CDC42EP5: variants seen among roughly 807,000 people sequenced by gnomAD.
CDC42EP5 encodes CDC42 effector protein (Rho GTPase binding) 5.
For synonymous variants in CDC42EP5, 118 were observed against 123.3 expected, an observed-to-expected ratio of 0.96 and a Z score of 0.28; for missense variants, 269 against 238.0, an observed-to-expected ratio of 1.13 and a Z score of -0.86.
chr19:54,468,888 A>ATTCATTCC (rs1331627657), intron 2 of CDC42EP5, among the ~76,000 whole-genome samples: 41 of 116,386 alleles, frequency 3.5e-4, no homozygotes, highest in African/African-American at 1.3e-3. Flanking sequence ...AGATACTCTG[A>ATTCATTCC]TTCCTTCCTT....
intron 2 of CDC42EP5, among the ~76,000 whole-genome samples, chr19:54,469,685 T>C (rs1406400351): frequency 6.6e-6 from 1 of 152,238 alleles, no homozygotes; most frequent in Non-Finnish European, 1.5e-5. Context: ...ATATGCTCAA[T>C]GGAGTCACAC....
chr19:54,465,603 G>A, intron 2 of CDC42EP5, 56 bp from the exon 3 acceptor site: 1 of 1,392,392 alleles, frequency 7.2e-7, no homozygotes, highest in Non-Finnish European at 9.3e-7. Flanking sequence ...GCAGCCACGC[G>A]ACTGCTCAAA....
At chr19:54,469,146 C>T (rs2084802109) in intron 2 of CDC42EP5, among the ~76,000 whole-genome samples, 1 of 151,584 alleles carries the variant, frequency 6.6e-6, no homozygotes, top group South Asian at 2.1e-4. Flanking sequence ...AGGTGCACAC[C>T]ACCATGCTTG....
chr19:54,471,797 G>A (rs377340058), intron 1 of CDC42EP5, 112 bp from the exon 2 acceptor site: 43 of 164,202 alleles, frequency 2.6e-4, no homozygotes, highest in African/African-American at 9.8e-4. Context: ...CTAGATCTTC[G>A]CTTTCTTAAT....
In CDC42EP5 at chr19:54,465,344, C is replaced by A; in HGVS notation, c.204G>T (p.Pro68=). 4 of 1,163,484 alleles carry A rather than the reference C, an allele frequency of 3.4e-6. No individual in the cohort carries two copies. In the South Asian group the frequency reaches 1.7e-4, roughly 49 times the overall value. The allele number at this position is 1,163,484 out of a possible 1,614,324, so 72.1% of individuals were successfully genotyped here. Residue 68 remains proline, a synonymous_variant, in exon 3 of 3, where the codon CCG becomes CCT. Transcript: ENST00000301200. ...GGACGGCGGGCGGCGGCGGGGAGCG[C>A]GGGGCCCCCGCGGGGGGCGCCCGGG... ...PEPRAPPAGA[P]RSPPPPAVPQ...
intron 2 of CDC42EP5, among the ~76,000 whole-genome samples, chr19:54,466,766 A>G (rs2084760068): frequency 6.6e-6 from 1 of 152,184 alleles, no homozygotes; most frequent in Admixed American, 6.5e-5. Context: ...TGTATTATGC[A>G]TTATAAGTAA....
At chr19:54,467,197 C>T (rs2084766677) in intron 2 of CDC42EP5, among the ~76,000 whole-genome samples, 1 of 150,890 alleles carries the variant, frequency 6.6e-6, no homozygotes. Flanking sequence ...ACCTGTAATC[C>T]CAGCACTTTT....
chr19:54,466,982 AG>A (rs1204545523), intron 2 of CDC42EP5, among the ~76,000 whole-genome samples: 2 of 146,246 alleles, frequency 1.4e-5, no homozygotes, highest in Non-Finnish European at 3.0e-5. Flanking sequence ...TAGTAGAGAC[AG>A]GGTTTCACCA....
chr19:54,465,552 GA>G lies in CDC42EP5; in HGVS notation c.1-6del. ...CAGCTGCTTCAGCACGGGCATCTGC[GA>G]GGGGCACGGGAGGGTCAGCGCGGCC... On this transcript the variant is annotated splice_polypyrimidine_tract_variant and splice_region_variant and intron_variant, in intron 2 of 2. Transcript: ENST00000301200. 6.6e-7 allele frequency: 1 copy of G among 1,519,152 alleles called. No homozygotes were observed. The highest frequency in any genetic ancestry group is 8.7e-7 in the Non-Finnish European group (1 of 1,145,418). 94.1% of individuals were successfully genotyped at this position (1,519,152 alleles called of 1,614,324 possible). A position where few individuals can be genotyped will look rare whatever the true frequency, so the allele number is the denominator to read the frequency against.
At chr19:54,466,171 G>A (rs969513966) in intron 2 of CDC42EP5, among the ~76,000 whole-genome samples, 1 of 151,908 alleles carries the variant, frequency 6.6e-6, no homozygotes, top group South Asian at 2.1e-4. Context: ...GCCCGGGTGC[G>A]GTGGCTCACT....
intron 2 of CDC42EP5, among the ~76,000 whole-genome samples, chr19:54,468,151 TG>T (rs1424923682): frequency 6.6e-6 from 1 of 152,158 alleles, no homozygotes; most frequent in Non-Finnish European, 1.5e-5. Context: ...ATGCTAGCGT[TG>T]GGGGGAAAAT....
chr19:54,465,303 G>A lies in CDC42EP5; in HGVS notation c.245C>T (p.Pro82Leu), dbSNP rs1327342105. 1.6e-6 allele frequency: 2 copies of A among 1,234,328 alleles called. No individual in the cohort carries two copies. The highest frequency in any genetic ancestry group is 2.0e-6 in the Non-Finnish European group (2 of 987,182). 76.5% of individuals were successfully genotyped at this position (1,234,328 alleles called of 1,614,324 possible). ...PPPAVPQSAA[P>L]SPADPLLSFH... ...GGACAGCAGCGGGTCGGCAGGCGAG[G>A]GCGCTGCGGACTGCGGGACGGCGGG... Residue 82 changes from proline to leucine, a missense_variant, in exon 3 of 3, where the codon CCC (proline) becomes CTC (leucine). Transcript: ENST00000301200.
At chr19:54,469,448 G>C (rs180813031) in intron 2 of CDC42EP5, among the ~76,000 whole-genome samples, 1 of 152,314 alleles carries the variant, frequency 6.6e-6, no homozygotes, top group African/African-American at 2.4e-5. Context: ...TGGGTCAGAG[G>C]TGAAAAAGTG....
At chr19:54,467,042 C>T (rs1281472644) in intron 2 of CDC42EP5, among the ~76,000 whole-genome samples, 5 of 150,814 alleles carry the variant, frequency 3.3e-5, no homozygotes, top group East Asian at 2.0e-4. Context: ...CTGCCCGCCT[C>T]GGCCTCCCGA....
chr19:54,466,504 G>A (rs1034798675), intron 2 of CDC42EP5, among the ~76,000 whole-genome samples: 2 of 152,146 alleles, frequency 1.3e-5, no homozygotes, highest in African/African-American at 4.8e-5. Flanking sequence ...CTCCTGTTCT[G>A]AAGACAGGGC....
Position 54,473,203 on chromosome 19 carries a change from G to C in CDC42EP5, c.-281C>G, listed in dbSNP as rs978708532. 1 of 153,212 alleles carries C rather than the reference G, an allele frequency of 6.5e-6. No homozygotes were observed. The highest frequency in any genetic ancestry group is 2.4e-5 in the African/African-American group (1 of 41,598). The allele number at this position is 153,212 out of a possible 1,614,324, so 9.5% of individuals were successfully genotyped here. A position where few individuals can be genotyped will look rare whatever the true frequency, so the allele number is the denominator to read the frequency against. On this transcript the variant is annotated 5_prime_UTR_variant, in exon 1 of 3. Coordinates refer to ENST00000301200, the MANE Select transcript of CDC42EP5 (RefSeq NM_145057.4). ...AGGCTTTCTTATCCCCCAAAAGTTT[G>C]CCTCTAGGAGTTAAAGGACTAGAAA...
intron 2 of CDC42EP5, among the ~76,000 whole-genome samples, chr19:54,467,446 C>CT (rs1300812278): frequency 6.6e-6 from 1 of 150,452 alleles, no homozygotes; most frequent in Non-Finnish European, 1.5e-5. Context: ...GAGTATGACT[C>CT]TGTCTCAAAA....
intron 2 of CDC42EP5, among the ~76,000 whole-genome samples, chr19:54,466,279 T>TA (rs990058663): frequency 6.6e-6 from 1 of 151,720 alleles, no homozygotes; most frequent in African/African-American, 2.4e-5. Context: ...CCCATCTCTA[T>TA]AAAAAATGCA....
In CDC42EP5 at chr19:54,468,920, C is replaced by CTTCCTTCCTTCTTTCT. The variant is rs753994637; in HGVS notation, c.-1+2624_-1+2625insAGAAAGAAGGAAGGAA. Reference sequence around the variant, plus strand: ...CCTTCCTTCCTTCCTTCCTTCCTTCCTTCTTTCTTTCTTTTCTTCCCTCCC... The same window carrying CTTCCTTCCTTCTTTCT: ...CCTTCCTTCCTTCCTTCCTTCCTTCCTTCCTTCCTTCTTTCTTTCTTTCTTTCTTTTCTTCCCTCCC... On this transcript the variant is annotated intron_variant, in intron 2 of 2. Transcript: ENST00000301200. Among the ~76,000 whole-genome samples the CTTCCTTCCTTCTTTCT allele has an allele frequency of 9.4e-4, 116 of 124,008 alleles. 3 individuals carry two copies. In the East Asian group the frequency reaches 9.8e-3, roughly 10 times the overall value. 81.4% of individuals were successfully genotyped at this position (124,008 alleles called of 152,430 possible). A position where few individuals can be genotyped will look rare whatever the true frequency, so the allele number is the denominator to read the frequency against.
Sources: allele counts gnomAD v4.1 joint callset (sites outside exome capture counted in the v4.1 genomes callset), GRCh38; gene constraint gnomAD v4.1.1; transcripts MANE v1.5; gene names NCBI Gene and HGNC (gene_info 2026-07-23, HGNC 2026-07-21).